The following DENND2B variants were observed in gnomAD, a reference collection of about 807,000 sequenced individuals.
DENND2B encodes DENN domain containing 2B.
DENND2B carries 32 observed loss-of-function variants against 116.0 expected under a neutral mutation model. The observed-to-expected ratio is 0.28, with a 90% CI of 0.21 to 0.37. DENND2B has a LOEUF of 0.37. Ranked by LOEUF, DENND2B falls within the 10% of genes least tolerant of loss-of-function variation. DENND2B has a pLI of 1.00. For synonymous variants in DENND2B, 588 were observed against 583.9 expected (o/e 1.01, Z -0.10); for missense variants, 1,276 against 1,477.7 (o/e 0.86, Z 2.24).
At chr11:8,827,813 A>G (rs1443865530) in intron 4 of DENND2B, among the ~76,000 whole-genome samples, 2 of 152,260 alleles carry the variant, frequency 1.3e-5, no homozygotes, top group African/African-American at 4.8e-5. Flanking sequence ...AGACAGCTCA[A>G]CGACATCTGA....
chr11:8,894,817 C>A (rs1248318622), intron 1 of DENND2B, among the ~76,000 whole-genome samples: 2 of 152,134 alleles, frequency 1.3e-5, no homozygotes, highest in Non-Finnish European at 2.9e-5. Context: ...TAAACTAGTT[C>A]AAACATTGTG....
intron 2 of DENND2B, among the ~76,000 whole-genome samples, chr11:8,870,250 C>T (rs571330254): frequency 2.2e-4 from 34 of 152,132 alleles, no homozygotes; most frequent in Non-Finnish European, 4.4e-4. Context: ...ATATAAAGAT[C>T]CCAGGAAAAT....
intron 1 of DENND2B, among the ~76,000 whole-genome samples, chr11:8,901,229 C>CTTTTCTTTTTTTTTTTT (rs781408078): frequency 5.7e-4 from 48 of 83,922 alleles, no homozygotes; most frequent in East Asian, 1.6e-3. Flanking sequence ...CTTTTCTTTT[C>CTTTTCTTTTTTTTTTTT]TTTTTTTTTT....
Position 8,777,528 on chromosome 11 carries a change from T to A in DENND2B, c.-25-26803A>T, listed in dbSNP as rs536429624. Among the ~76,000 whole-genome samples the A allele has an allele frequency of 3.2e-4, 49 of 152,282 alleles. 1 individual carries two copies. The Middle Eastern group carries it at 0.01, about 32-fold the overall frequency. ...GGACATTCCTTAGGCCTGTCACATA[T>A]GGTCCAAGAAAGCAGTAAGATGGAA... On this transcript the variant is annotated intron_variant, in intron 1 of 19. Transcript: ENST00000313726.
chr11:8,896,462 A>C (rs1283179741), intron 1 of DENND2B, among the ~76,000 whole-genome samples: 2 of 152,208 alleles, frequency 1.3e-5, no homozygotes, highest in Non-Finnish European at 2.9e-5. Flanking sequence ...TTTTTAGGTC[A>C]CTAAAACTCT....
chr11:8,875,787 CT>C (rs1321167281), upstream of DENND2B, among the ~76,000 whole-genome samples: 1 of 152,036 alleles, frequency 6.6e-6, no homozygotes, highest in African/African-American at 2.4e-5. Flanking sequence ...CAGGTAAAAA[CT>C]TCAGAAACAG....
intron 1 of DENND2B, among the ~76,000 whole-genome samples, chr11:8,765,331 T>C (rs1361294106): frequency 1.3e-5 from 2 of 152,222 alleles, no homozygotes; most frequent in African/African-American, 4.8e-5. Flanking sequence ...TCTCAGACTG[T>C]GTGCTGAGGT....
At chr11:8,716,643 G>A (rs2133831948) in intron 5 of DENND2B, among the ~76,000 whole-genome samples, 1 of 143,264 alleles carries the variant, frequency 7.0e-6, no homozygotes, top group East Asian at 2.1e-4. Flanking sequence ...CTAATTAGAG[G>A]GTAAATCTTT....
At chr11:8,850,040 T>A (rs2062953342) in intron 3 of DENND2B, among the ~76,000 whole-genome samples, 1 of 151,392 alleles carries the variant, frequency 6.6e-6, no homozygotes, top group South Asian at 2.1e-4. Context: ...GAGGCTGAGG[T>A]GGGAGGATCA....
At chr11:8,859,750 G>GCCCCACTAC (rs970416093) in intron 2 of DENND2B, among the ~76,000 whole-genome samples, 2 of 152,098 alleles carry the variant, frequency 1.3e-5, no homozygotes, top group African/African-American at 4.8e-5. Flanking sequence ...CCTCAGCACT[G>GCCCCACTAC]CCCCACTACC....
chr11:8,716,715 T>C (rs1040174028), intron 5 of DENND2B, among the ~76,000 whole-genome samples: 3 of 152,132 alleles, frequency 2.0e-5, no homozygotes, highest in African/African-American at 7.2e-5. Flanking sequence ...TGGAGCGATC[T>C]TGGCTTACTG....
chr11:8,891,488 G>T (rs1356920548), intron 1 of DENND2B, among the ~76,000 whole-genome samples: 2 of 152,168 alleles, frequency 1.3e-5, no homozygotes, highest in Non-Finnish European at 2.9e-5. Context: ...GCTGTATTCA[G>T]GAGACCCATC....
intron 18 of DENND2B, chr11:8,695,762 C>G (rs1464627143): frequency 3.5e-6 from 2 of 572,502 alleles, no homozygotes; most frequent in Non-Finnish European, 6.3e-6. Flanking sequence ...TGCCACCCTG[C>G]CTCCCCATGC....
intron 4 of DENND2B, chr11:8,718,683 G>C: frequency 8.3e-7 from 1 of 1,208,940 alleles, no homozygotes. Context: ...GGGCCAAAGG[G>C]TGGGGGTGAG....
intron 14 of DENND2B, among the ~76,000 whole-genome samples, chr11:8,701,532 C>G (rs1251701299): frequency 1.3e-5 from 2 of 151,966 alleles, no homozygotes; most frequent in African/African-American, 2.4e-5. Flanking sequence ...TTCTTTCTGC[C>G]TTTCTCCTTC....
At chr11:8,856,611 G>A (rs16906231) in intron 3 of DENND2B, among the ~76,000 whole-genome samples, 9,667 of 152,142 alleles carry the variant, frequency 0.064, 564 homozygotes, top group African/African-American at 0.16. Context: ...AGGTTGGTTG[G>A]AAGTCCCTGG....
At chr11:8,772,348 T>C (rs2057037942) in intron 1 of DENND2B, among the ~76,000 whole-genome samples, 2 of 152,092 alleles carry the variant, frequency 1.3e-5, no homozygotes, top group African/African-American at 2.4e-5. Context: ...TCCAACTTTA[T>C]AGTGAGTTGG....
chr11:8,878,115 C>T (rs1200054351), intron 2 of DENND2B, among the ~76,000 whole-genome samples: 2 of 152,120 alleles, frequency 1.3e-5, no homozygotes, highest in Non-Finnish European at 2.9e-5. Flanking sequence ...AAGGAATTGC[C>T]TAAGCCATGA....
At chr11:8,863,257 CT>C (rs56359289) in intron 2 of DENND2B, among the ~76,000 whole-genome samples, 123 of 124,474 alleles carry the variant, frequency 9.9e-4, no homozygotes, top group African/African-American at 1.2e-3. Flanking sequence ...ACGCCACTTT[CT>C]TTTTTTTTTT....
Sources: gnomAD v4.1 joint callset for allele counts (sites outside exome capture counted in the v4.1 genomes callset) on GRCh38, gnomAD v4.1.1 for gene constraint, MANE v1.5 for transcripts, NCBI Gene and HGNC (gene_info 2026-07-23, HGNC 2026-07-21) for gene names.